Variants in SRPK2 observed in about 807,000 individuals in gnomAD.
SRPK2 encodes the protein SRSF protein kinase 2, also known as SFRS protein kinase 2.
SRPK2 carries 21 observed loss-of-function variants against 90.8 expected under a neutral mutation model. The observed-to-expected ratio is 0.23, with a 90% CI of 0.16 to 0.33. The LOEUF is 0.33. Ranked by LOEUF, SRPK2 falls within the 10% of genes least tolerant of loss-of-function variation. The pLI is 1.00. For synonymous variants in SRPK2, 288 were observed against 311.1 expected, an observed-to-expected ratio of 0.93 and a Z score of 0.78; for missense variants, 620 against 869.0, an observed-to-expected ratio of 0.71 and a Z score of 3.60.
At chr7:105,166,767 G>C (rs923245926) in intron 6 of SRPK2, among the ~76,000 whole-genome samples, 3 of 152,042 alleles carry the variant, frequency 2.0e-5, no homozygotes, top group Admixed American at 6.6e-5. Context: ...TAGATAACCA[G>C]GAATAAAATC....
At chr7:105,376,240 G>A (rs912517008) in intron 2 of SRPK2, among the ~76,000 whole-genome samples, 3 of 151,408 alleles carry the variant, frequency 2.0e-5, no homozygotes, top group South Asian at 2.1e-4. Context: ...CTTGTGATCC[G>A]CCCGCCTTGG....
intron 2 of SRPK2, among the ~76,000 whole-genome samples, chr7:105,208,476 T>C (rs1227947510): frequency 6.6e-6 from 1 of 152,220 alleles, no homozygotes. Context: ...TACTGATATA[T>C]GCTACAACAT....
chr7:105,306,999 A>G (rs1811217845), intron 2 of SRPK2, among the ~76,000 whole-genome samples: 1 of 152,232 alleles, frequency 6.6e-6, no homozygotes, highest in Non-Finnish European at 1.5e-5. Context: ...ACTCTGGTGA[A>G]GAAAGAGACC....
In SRPK2 at chr7:105,170,971, A is replaced by AAGAAAGAAAGAAAG. The variant is rs1563027056; in HGVS notation, c.230-1707_230-1706insCTTTCTTTCTTTCT. On this transcript the variant is annotated intron_variant, in intron 3 of 15. Transcript: ENST00000393651. ...AGAAAGAAAGAAAGAAAGAAAGAGA[A>AAGAAAGAAAGAAAG]AGAAAGAGAAAGAAAGAAAGAAAGA... is the stretch of plus-strand genomic sequence containing the variant. 1.0e-3 allele frequency among the ~76,000 whole-genome samples: 84 copies of AAGAAAGAAAGAAAG among 81,318 alleles called. 5 individuals are homozygous for AAGAAAGAAAGAAAG. Among genetic ancestry groups the AAGAAAGAAAGAAAG allele is most frequent in the African/African-American group, 4.1e-3 (81 of 19,688 alleles). 53.3% of individuals were successfully genotyped at this position (81,318 alleles called of 152,430 possible).
At chr7:105,167,279 T>C in intron 6 of SRPK2, 98 bp downstream of exon 6, 2 of 939,812 alleles carry the variant, frequency 2.1e-6, no homozygotes, top group Non-Finnish European at 1.6e-6. Context: ...AGTGTTTATG[T>C]TGAAGGTGAT....
intron 2 of SRPK2, among the ~76,000 whole-genome samples, chr7:105,211,344 T>C (rs1293239527): frequency 1.3e-5 from 2 of 152,158 alleles, no homozygotes; most frequent in South Asian, 2.1e-4. Context: ...TCTTATTCCC[T>C]GAATGAGTCC....
chr7:105,316,216 A>C (rs1812295522), intron 2 of SRPK2, among the ~76,000 whole-genome samples: 1 of 152,020 alleles, frequency 6.6e-6, no homozygotes, highest in African/African-American at 2.4e-5. Context: ...GTAGAGACTC[A>C]GCCTCCCAAA....
In SRPK2 at chr7:105,142,120, G is replaced by A. The variant is rs1803866388; in HGVS notation, c.1431C>T (p.Ala477=). The A allele has an allele frequency of 1.9e-6, 3 of 1,614,166 alleles. No individual in the cohort carries two copies. Among genetic ancestry groups the A allele is most frequent in the African/African-American group, 1.3e-5 (1 of 75,044 alleles). ...ATCCCTCAGAAAGCACAGAGCCGCA[G>A]GCCACAGGTTCTAAGGATCCAGAGA... ...SLFSGSLEPV[A]CGSVLSEGSP... Residue 477 remains alanine (A), a synonymous_variant, in exon 11 of 16, where the codon GCC becomes GCT. Transcript: ENST00000393651.
intron 2 of SRPK2, among the ~76,000 whole-genome samples, chr7:105,309,935 A>G (rs1468930671): frequency 6.6e-6 from 1 of 152,210 alleles, no homozygotes; most frequent in Non-Finnish European, 1.5e-5. Context: ...GAAAAAAATC[A>G]CACAGACATA....
intron 2 of SRPK2, among the ~76,000 whole-genome samples, chr7:105,233,382 A>G (rs1191940195): frequency 1.3e-5 from 2 of 152,242 alleles, no homozygotes; most frequent in African/African-American, 4.8e-5. Flanking sequence ...AGCCAAGGGT[A>G]CTGGCAAACA....
chr7:105,376,858 T>TA (rs1820372890), intron 2 of SRPK2, among the ~76,000 whole-genome samples: 1 of 91,286 alleles, frequency 1.1e-5, no homozygotes. Flanking sequence ...CTTTTTTTTT[T>TA]AATAAAAAGC....
chr7:105,149,361 C>A (rs531518407), intron 7 of SRPK2, among the ~76,000 whole-genome samples: 1 of 152,114 alleles, frequency 6.6e-6, no homozygotes, highest in African/African-American at 2.4e-5. Context: ...GTCATAGTAC[C>A]TTCCCTTGAA....
At chr7:105,167,598 CTT>C (rs1016052446) in intron 5 of SRPK2, 134 bp from the exon 6 acceptor site, 2 of 496,030 alleles carry the variant, frequency 4.0e-6, no homozygotes, top group African/African-American at 4.0e-5. Context: ...AAAAAATAAA[CTT>C]TATTTATTTA....
chr7:105,150,244 G>A (rs1175617223), intron 7 of SRPK2, among the ~76,000 whole-genome samples: 2 of 152,124 alleles, frequency 1.3e-5, no homozygotes, highest in Admixed American at 6.6e-5. Context: ...TGTCAAGGCC[G>A]GGCTCAGCCT....
intron 2 of SRPK2, among the ~76,000 whole-genome samples, chr7:105,237,143 A>G (rs1306050457): frequency 1.8e-4 from 28 of 152,234 alleles, no homozygotes; most frequent in Admixed American, 1.8e-3. Context: ...ACACCTCTCA[A>G]AAGCCCACAA....
chr7:105,296,828 C>T lies in SRPK2; in HGVS notation c.71+91820G>A, dbSNP rs572085949. ...ACACAAACCCTCCATGGAGTAGACA[C>T]TGTCATTATCAACCCTCTTTTACAG... is the stretch of plus-strand genomic sequence containing the variant. On this transcript the variant is annotated intron_variant, in intron 2 of 15. Coordinates refer to ENST00000393651, the MANE Select transcript of SRPK2 (RefSeq NM_182692.3). Among the ~76,000 whole-genome samples, 3 of 152,308 alleles carry T rather than the reference C, an allele frequency of 2.0e-5. No homozygotes were observed. In the South Asian group the frequency reaches 6.2e-4, roughly 32 times the overall value.
At chr7:105,377,648 T>C (rs1231802606) in intron 2 of SRPK2, among the ~76,000 whole-genome samples, 1 of 151,834 alleles carries the variant, frequency 6.6e-6, no homozygotes, top group Non-Finnish European at 1.5e-5. Flanking sequence ...CAGTGAGAAC[T>C]GAGATCGCGC....
intron 2 of SRPK2, among the ~76,000 whole-genome samples, chr7:105,248,851 G>A (rs1318351957): frequency 4.6e-5 from 7 of 151,570 alleles, no homozygotes; most frequent in African/African-American, 1.7e-4. Context: ...GCGTGAACCC[G>A]GGAGGCAGAG....
intron 1 of SRPK2, among the ~76,000 whole-genome samples, chr7:105,398,848 A>G (rs1009046050): frequency 5.3e-5 from 8 of 152,182 alleles, no homozygotes; most frequent in African/African-American, 1.9e-4. Context: ...TGAGCAAATT[A>G]GTCTCTCTGT....
Sources: allele counts gnomAD v4.1 joint callset (sites outside exome capture counted in the v4.1 genomes callset), GRCh38; gene constraint gnomAD v4.1.1; transcripts MANE v1.5; gene names NCBI Gene and HGNC (gene_info 2026-07-23, HGNC 2026-07-21).